Variants in FGF13 observed in about 807,000 individuals in gnomAD.
The protein encoded by FGF13 is fibroblast growth factor 13, also known as fibroblast growth factor homologous factor 2.
Under a neutral mutation model 19.5 loss-of-function variants are expected in FGF13, and 2 were observed. That is an observed-to-expected ratio of 0.10 (90% CI 0.04 to 0.32). The LOEUF is 0.32. Among genes scored for constraint, FGF13 ranks in the 10% least tolerant of loss-of-function variants. The pLI, the probability that FGF13 is intolerant of heterozygous loss-of-function variation, is 1.00. For synonymous variants in FGF13, 72 were observed against 76.9 expected, an observed-to-expected ratio of 0.94 and a Z score of 0.33; for missense variants, 113 against 192.7, an observed-to-expected ratio of 0.59 and a Z score of 2.45.
intron 3 of FGF13, among the ~76,000 whole-genome samples, chrX:138,818,060 C>G (rs2124056275): frequency 9.0e-6 from 1 of 111,680 alleles, no homozygotes; most frequent in Non-Finnish European, 1.9e-5. Flanking sequence ...TGTCCTAAGT[C>G]TTGACATCTC....
intron 1 of FGF13, among the ~76,000 whole-genome samples, chrX:139,007,928 C>T (rs752001189): frequency 8.9e-6 from 1 of 112,762 alleles, no homozygotes; most frequent in Admixed American, 9.3e-5. Flanking sequence ...CACTGGCTAT[C>T]TGGAAATAGA....
At chrX:139,107,744 AG>A (rs2124462343) in intron 1 of FGF13, among the ~76,000 whole-genome samples, 1 of 110,982 alleles carries the variant, frequency 9.0e-6, no homozygotes, top group African/African-American at 3.3e-5. Context: ...ATTGAACAGA[AG>A]GAAAAGATGA....
chrX:138,913,612 G>C (rs377752386), intron 1 of FGF13, among the ~76,000 whole-genome samples: 86 of 100,808 alleles, frequency 8.5e-4, no homozygotes, highest in African/African-American at 3.1e-3. Flanking sequence ...AAAAGAGAGA[G>C]AGAGGGAGGG....
chrX:139,089,028 C>T (rs1287995817), intron 1 of FGF13, among the ~76,000 whole-genome samples: 1 of 112,442 alleles, frequency 8.9e-6, no homozygotes, highest in Non-Finnish European at 1.9e-5. Flanking sequence ...GCCTCTGGAA[C>T]AGTGAGAAAC....
At chrX:139,203,650 A>G (rs1486297387), upstream of FGF13, 1 of 131,027 alleles carries the variant, frequency 7.6e-6, no homozygotes, top group African/African-American at 3.2e-5. Flanking sequence ...ATTCCTGAGT[A>G]TGTCACCATG....
chrX:138,826,572 T>C (rs1453437612), intron 3 of FGF13, among the ~76,000 whole-genome samples: 2 of 112,307 alleles, frequency 1.8e-5, no homozygotes, highest in Non-Finnish European at 3.8e-5. Context: ...AGCCTCTTCA[T>C]GATCTGCCGA....
intron 1 of FGF13, among the ~76,000 whole-genome samples, chrX:139,153,570 G>A (rs1223815493): frequency 1.8e-5 from 2 of 110,923 alleles, no homozygotes; most frequent in Non-Finnish European, 3.8e-5. Flanking sequence ...GCCACTGGGT[G>A]GAAGGGAGTT....
chrX:139,186,056 C>T (rs1375555365), intron 1 of FGF13, among the ~76,000 whole-genome samples: 3 of 111,680 alleles, frequency 2.7e-5, no homozygotes, highest in Non-Finnish European at 5.6e-5. Context: ...AGGAAGTATA[C>T]CTGCATAAGA....
rs370219348 is a variant in FGF13, at chrX:139,195,997, C to T, written c.-113+7419G>A. ...AAAATCTTTCAATGAGCTCAGCACA[C>T]CCTGAGGAGCCCCATTCGGTTAATA... On this transcript the variant is annotated intron_variant, in intron 1 of 2. Coordinates refer to the FGF13 transcript ENST00000421460. 1.3e-4 allele frequency among the ~76,000 whole-genome samples: 14 copies of T among 111,244 alleles called. No individual in the cohort carries two copies. The East Asian group carries it at 3.7e-3, about 29-fold the overall frequency.
At chrX:138,811,272 A>C (rs2090922192) in intron 3 of FGF13, among the ~76,000 whole-genome samples, 1 of 111,645 alleles carries the variant, frequency 9.0e-6, no homozygotes. Context: ...GCCATAAAAA[A>C]GGATGAGTTC....
chrX:138,825,717 G>A (rs1039408785), intron 3 of FGF13, among the ~76,000 whole-genome samples: 45 of 111,697 alleles, frequency 4.0e-4, no homozygotes, highest in Non-Finnish European at 5.8e-4. Flanking sequence ...AAAGTGCAGC[G>A]ACTAGCATAT....
chrX:139,011,736 G>A (rs143562493), intron 1 of FGF13, among the ~76,000 whole-genome samples: 7 of 111,392 alleles, frequency 6.3e-5, no homozygotes, highest in Admixed American at 1.9e-4. Flanking sequence ...ACATTATACC[G>A]AACGGGCAAA....
At chrX:138,874,753 A>T (rs1475784881) in intron 1 of FGF13, among the ~76,000 whole-genome samples, 5 of 111,789 alleles carry the variant, frequency 4.5e-5, no homozygotes, top group African/African-American at 1.6e-4. Flanking sequence ...GGAGCTCCTT[A>T]CCAAATTCCT....
chrX:139,187,647 A>T (rs2084292639), intron 1 of FGF13, among the ~76,000 whole-genome samples: 1 of 112,155 alleles, frequency 8.9e-6, no homozygotes, highest in African/African-American at 3.2e-5. Context: ...ATTTATAATG[A>T]TAGTATCCTG....
intron 1 of FGF13, among the ~76,000 whole-genome samples, chrX:139,069,969 C>T (rs2092371256): frequency 8.9e-6 from 1 of 112,043 alleles, no homozygotes. Flanking sequence ...ACACCTTATA[C>T]AAAAAATAAC....
At chrX:138,825,998 A>G (rs1481500010) in intron 3 of FGF13, among the ~76,000 whole-genome samples, 1 of 111,503 alleles carries the variant, frequency 9.0e-6, no homozygotes, top group East Asian at 2.8e-4. Context: ...ACCTATGAGG[A>G]CGTCTAGACC....
chrX:138,771,647 C>A (rs983093823), intron 3 of FGF13, among the ~76,000 whole-genome samples: 1 of 110,365 alleles, frequency 9.1e-6, no homozygotes, highest in Non-Finnish European at 1.9e-5. Context: ...TTAATAGAGA[C>A]ACATGAGAAC....
At chrX:138,845,566 T>TA (rs1412448018) in intron 3 of FGF13, among the ~76,000 whole-genome samples, 1 of 111,907 alleles carries the variant, frequency 8.9e-6, no homozygotes, top group Non-Finnish European at 1.9e-5. Flanking sequence ...GTTGTATATT[T>TA]AAATGGAGTC....
intron 1 of FGF13, among the ~76,000 whole-genome samples, chrX:139,014,267 A>T (rs2092143776): frequency 8.9e-6 from 1 of 111,941 alleles, no homozygotes; most frequent in Non-Finnish European, 1.9e-5. Flanking sequence ...CAAGAGCAGA[A>T]ATAAATGAAT....
Sources: gnomAD v4.1 joint callset for allele counts (sites outside exome capture counted in the v4.1 genomes callset) on GRCh38, gnomAD v4.1.1 for gene constraint, MANE v1.5 for transcripts, NCBI Gene and HGNC (gene_info 2026-07-23, HGNC 2026-07-21) for gene names.